The following RNF212 variants were observed in gnomAD, a reference collection of about 807,000 sequenced individuals.
RNF212 encodes the protein probable E3 SUMO-protein ligase RNF212.
In RNF212, 33 loss-of-function variants were observed where a neutral mutation model predicts 34.7. The ratio of observed to expected loss-of-function variants is 0.95; its 90% confidence interval spans 0.72 to 1.27. The LOEUF is 1.27. Among genes scored for constraint, RNF212 ranks in the 50% most tolerant of loss-of-function variants. The pLI, the probability that RNF212 is intolerant of heterozygous loss-of-function variation, is 0.00. For missense variants in RNF212, 377 were observed against 362.2 expected (o/e 1.04, Z -0.33); for synonymous variants, 140 against 136.1 (o/e 1.03, Z -0.20).
rs372888744 is a variant in RNF212, at chr4:1,073,127, C to G, written c.641G>C (p.Gly214Ala). The G allele has an allele frequency of 8.7e-5, 141 of 1,614,092 alleles. No homozygotes were observed. Among genetic ancestry groups the G allele is most frequent in the Non-Finnish European group, 1.1e-4 (130 of 1,180,048 alleles). The change falls in exon 10 of 10, where the codon GGA (glycine) becomes GCA (alanine). Residue 214 changes from glycine (G) to alanine (A), a missense_variant. Transcript: ENST00000433731. ...TGAACCTCTGGAAATGACACACTCT[C>G]CGGGCACAGGGGGCTTAGACAAGGT... is the stretch of plus-strand genomic sequence containing the variant. ...WLTLSKPPVP[G>A]ECVISRGSPC...
intron 4 of RNF212, chr4:1,058,310 G>C (rs537700895): frequency 2.9e-5 from 27 of 920,752 alleles, no homozygotes; most frequent in African/African-American, 2.9e-4. Context: ...GTGCTTGCGG[G>C]GGGGCACTAC....
At chr4:1,082,778 C>T (rs1019582215) in intron 5 of RNF212, among the ~76,000 whole-genome samples, 6 of 152,226 alleles carry the variant, frequency 3.9e-5, no homozygotes, top group African/African-American at 1.2e-4. Context: ...GCTGAGAATG[C>T]ACCTGGTGCT....
rs536426563 is a variant in RNF212 at position 1,078,505 on chromosome 4, T to C, written c.510+1138A>G. On this transcript the variant is annotated intron_variant, in intron 8 of 9. Coordinates refer to ENST00000433731, the MANE Select transcript of RNF212 (RefSeq NM_001131034.4). ...GGCAGGTTTCCTCTGGTCTTGCTTC[T>C]CTCCAGCTTGAAGTTGTTGCTTCCT... is the stretch of plus-strand genomic sequence containing the variant. Among the ~76,000 whole-genome samples the C allele has an allele frequency of 2.0e-5, 3 of 152,358 alleles. No individual in the cohort carries two copies. The South Asian group carries it at 6.2e-4, about 32-fold the overall frequency.
In RNF212 at chr4:1,084,399, G is replaced by A. The variant is rs1670533; in HGVS notation, c.362+1497C>T. On this transcript the variant is annotated intron_variant, in intron 5 of 9. Coordinates refer to ENST00000433731, the MANE Select transcript of RNF212 (RefSeq NM_001131034.4). ...GTTGCAATGCGTTTACAATCTTCTA[G>A]AAATGTAAAAGCCATGGTCAGCTTG... is the stretch of plus-strand genomic sequence containing the variant. Among the ~76,000 whole-genome samples the A allele has an allele frequency of 0.81, 123,322 of 152,092 alleles. 50,705 individuals are homozygous for A. The highest frequency in any genetic ancestry group is 0.94 in the African/African-American group (39,013 of 41,500).
chr4:1,082,671 A>T (rs1720542788), intron 5 of RNF212, among the ~76,000 whole-genome samples: 1 of 152,178 alleles, frequency 6.6e-6, no homozygotes, highest in African/African-American at 2.4e-5. Flanking sequence ...CCGACATACA[A>T]GTTCACTTTC....
At position 1,096,799 on chromosome 4, in the gene RNF212, C is replaced by T. The variant is rs1723133363; in HGVS notation, c.212G>A (p.Ser71Asn). ...TTCCCTGGAGTACTTCTTACACAGA[C>T]TGTCTATGCTCATGAAGAATGCCTG... ...DIQAFFMSIDSLCKKYSRETS... is the reference protein window; with the variant it reads ...DIQAFFMSIDNLCKKYSRETS... Residue 71 changes from serine (S) to asparagine (N), a missense_variant, in exon 3 of 10, where the codon AGT (serine) becomes AAT (asparagine). Physicochemically the swap from Ser to Asn is conservative, Grantham distance 46. Coordinates refer to ENST00000433731, the MANE Select transcript of RNF212 (RefSeq NM_001131034.4). 6.2e-7 allele frequency: 1 copy of T among 1,613,768 alleles called. No individual in the cohort carries two copies. Among genetic ancestry groups the T allele is most frequent in the Non-Finnish European group, 8.5e-7 (1 of 1,179,690 alleles).
chr4:1,099,144 A>ACC (rs1723528159), intron 2 of RNF212, among the ~76,000 whole-genome samples: 1 of 151,940 alleles, frequency 6.6e-6, no homozygotes, highest in Non-Finnish European at 1.5e-5. Context: ...CCATTCCTCC[A>ACC]CCCCGGCACT....
rs566857053 is a variant in RNF212, at chr4:1,073,063, G to A, written c.705C>T (p.Leu235=). The change falls in exon 10 of 10, where the codon CTC becomes CTT. Residue 235 remains leucine (L), a synonymous_variant. Transcript: ENST00000433731. ...FCIDVCPHWL[L]LLAFSSGRHG... is the part of the protein sequence containing the mutation. ...GCCTTCCAGAACTGAACGCTAGGAG[G>A]AGCAGCCAGTGAGGACAGACGTCTA... is the stretch of plus-strand genomic sequence containing the variant. The A allele has an allele frequency of 4.0e-5, 65 of 1,614,164 alleles. 1 individual carries two copies. In the South Asian group the frequency reaches 4.8e-4, roughly 12 times the overall value.
intron 1 of RNF212, among the ~76,000 whole-genome samples, chr4:1,112,753 G>A (rs1194748928): frequency 9.0e-6 from 1 of 111,324 alleles, no homozygotes; most frequent in East Asian, 2.8e-4. Context: ...CCTGCCTGCG[G>A]ACCCTCCCCC....
At chr4:1,093,986 C>T (rs558939919) in intron 3 of RNF212, 1,318 of 1,535,748 alleles carry the variant, frequency 8.6e-4, no homozygotes, top group South Asian at 1.0e-3. Context: ...TAACTTGAGA[C>T]GGCAACAGCC....
chr4:1,110,135 A>G (rs1400749346), intron 1 of RNF212, among the ~76,000 whole-genome samples: 2 of 152,228 alleles, frequency 1.3e-5, no homozygotes, highest in Non-Finnish European at 2.9e-5. Flanking sequence ...ATTAACAGAC[A>G]TGACAGAGAG....
At chr4:1,080,149 A>T (rs1720094057) in intron 7 of RNF212, among the ~76,000 whole-genome samples, 1 of 152,218 alleles carries the variant, frequency 6.6e-6, no homozygotes, top group Admixed American at 6.5e-5. Context: ...TTCATTTGCC[A>T]AAGGCAGACA....
At chr4:1,083,734 T>C (rs975863809) in intron 5 of RNF212, among the ~76,000 whole-genome samples, 2 of 152,112 alleles carry the variant, frequency 1.3e-5, no homozygotes, top group East Asian at 3.9e-4. Flanking sequence ...CAACCCAGCA[T>C]GTGACCAGGT....
chr4:1,074,797 C>T (rs1719012784), intron 8 of RNF212, among the ~76,000 whole-genome samples: 1 of 152,162 alleles, frequency 6.6e-6, no homozygotes, highest in South Asian at 2.1e-4. Context: ...TGTCTCTGTA[C>T]CTTCAGCCTC....
rs1442872597 is a variant in RNF212 at position 1,074,468 on chromosome 4, C to T, written c.511-806G>A. On this transcript the variant is annotated intron_variant, in intron 8 of 9. Transcript: ENST00000433731. Reference sequence around the variant, plus strand: ...CCCCCGGCACAGCCACCCCACAGATCCTTTAATCCACAGGCCCTTCCAGTA... The same window carrying T: ...CCCCCGGCACAGCCACCCCACAGATTCTTTAATCCACAGGCCCTTCCAGTA... 2.0e-5 allele frequency among the ~76,000 whole-genome samples: 3 copies of T among 152,184 alleles called. No individual in the cohort carries two copies. The East Asian group carries it at 5.8e-4, about 29-fold the overall frequency.
intron 8 of RNF212, among the ~76,000 whole-genome samples, chr4:1,078,485 G>T (rs552479590): frequency 3.3e-5 from 5 of 152,212 alleles, no homozygotes; most frequent in Non-Finnish European, 5.9e-5. Flanking sequence ...TTCCGGGCAG[G>T]TTTCCTCTGG....
intron 3 of RNF212, among the ~76,000 whole-genome samples, chr4:1,064,578 G>A (rs1034730150): frequency 2.1e-4 from 11 of 51,206 alleles, no homozygotes; most frequent in Non-Finnish European, 7.7e-5. Context: ...GTCTTCATAC[G>A]GCCTCTTTTG....
At chr4:1,068,758 T>G (rs1279998877), downstream of RNF212, among the ~76,000 whole-genome samples, 1 of 152,266 alleles carries the variant, frequency 6.6e-6, no homozygotes, top group Admixed American at 6.5e-5. Context: ...CAATGAATTC[T>G]GTTTCTGTTA....
chr4:1,083,756 A>G lies in RNF212; in HGVS notation c.363-2137T>C, dbSNP rs565571013. On this transcript the variant is annotated intron_variant, in intron 5 of 9. Coordinates refer to ENST00000433731, the MANE Select transcript of RNF212 (RefSeq NM_001131034.4). ...GCATGTGACCAGGTGGCCTAAGACG[A>G]CGGAGATCACAGCAGAGGCTGACGT... Among the ~76,000 whole-genome samples the G allele has an allele frequency of 1.8e-3, 267 of 152,244 alleles. 3 individuals are homozygous for G. Among genetic ancestry groups the G allele is most frequent in the Middle Eastern group, 6.8e-3 (2 of 294 alleles).
Sources: allele counts gnomAD v4.1 joint callset (sites outside exome capture counted in the v4.1 genomes callset), GRCh38; gene constraint gnomAD v4.1.1; transcripts MANE v1.5; gene names NCBI Gene and HGNC (gene_info 2026-07-23, HGNC 2026-07-21).